CHD9: variants seen among roughly 807,000 people sequenced by gnomAD.
CHD9 encodes the protein ATP-dependent chromatin remodeler CHD9.
A neutral mutation model predicts 316.1 loss-of-function variants in CHD9; 77 were observed. That is an observed-to-expected ratio of 0.24 (90% CI 0.20 to 0.29). The LOEUF (loss-of-function observed/expected upper bound fraction) is 0.29, where lower values mean the gene tolerates loss of function less well. Among genes scored for constraint, CHD9 ranks in the 10% least tolerant of loss-of-function variants. CHD9 has a pLI of 1.00. For missense variants in CHD9, 2,763 were observed against 3,438.1 expected, an observed-to-expected ratio of 0.80 and a Z score of 4.91; for synonymous variants, 1,129 against 1,158.3, an observed-to-expected ratio of 0.97 and a Z score of 0.51.
intron 1 of CHD9, among the ~76,000 whole-genome samples, chr16:53,122,647 A>C (rs2038793296): frequency 6.6e-6 from 1 of 150,846 alleles, no homozygotes; most frequent in Non-Finnish European, 1.5e-5. Flanking sequence ...CAGGTTCAAG[A>C]AGTTCTCTTG....
chr16:53,122,607 C>T (rs1597056680), intron 1 of CHD9, among the ~76,000 whole-genome samples: 1 of 148,464 alleles, frequency 6.7e-6, no homozygotes, highest in African/African-American at 2.5e-5. Flanking sequence ...TACAGTGGCA[C>T]AATCTTGTCT....
chr16:53,063,596 A>G (rs952597293), intron 1 of CHD9, among the ~76,000 whole-genome samples: 19 of 151,898 alleles, frequency 1.3e-4, no homozygotes, highest in African/African-American at 4.6e-4. Context: ...GCAGTGGCGC[A>G]ATCTTGGCTC....
intron 29 of CHD9, 28 bp from the exon 30 acceptor site, chr16:53,296,927 GT>G (rs750560432): frequency 3.3e-6 from 5 of 1,531,582 alleles, no homozygotes; most frequent in Non-Finnish European, 1.8e-6. Context: ...GACTAGTGTG[GT>G]TTTTTTCTTT....
intron 1 of CHD9, among the ~76,000 whole-genome samples, chr16:53,090,062 C>A (rs1159449490): frequency 6.6e-6 from 1 of 152,158 alleles, no homozygotes; most frequent in Non-Finnish European, 1.5e-5. Flanking sequence ...AGAGAAGAAT[C>A]CCCCAGTCAA....
chr16:53,193,098 T>G (rs890411291), intron 2 of CHD9, among the ~76,000 whole-genome samples: 1 of 152,150 alleles, frequency 6.6e-6, no homozygotes, highest in South Asian at 2.1e-4. Context: ...ACCAGCAGCA[T>G]ATAGGAGTTC....
rs963154093 is a variant in CHD9 at position 53,261,456 on chromosome 16, C to T, written c.4210-1531C>T. ...TCATGGCCCACTGTAGCCTTGACCT[C>T]TCAACCTCCTGGGGTCAAGTGACCC... On this transcript the variant is annotated intron_variant, in intron 19 of 38. Coordinates refer to ENST00000447540, the MANE Select transcript of CHD9 (RefSeq NM_001308319.2). Among the ~76,000 whole-genome samples, 29 of 141,658 alleles carry T rather than the reference C, an allele frequency of 2.0e-4. No individual in the cohort carries two copies. In the Admixed American group the frequency reaches 2.1e-3, roughly 10 times the overall value. 92.9% of individuals were successfully genotyped at this position (141,658 alleles called of 152,430 possible).
chr16:53,267,430 G>T lies in CHD9; in HGVS notation c.4457G>T (p.Arg1486Leu). The change falls in exon 21 of 39, where the codon CGT (arginine) becomes CTT (leucine). Residue 1486 changes from arginine (R) to leucine (L), a missense_variant. Arg to Leu is a moderately radical substitution (Grantham distance 102). This residue lies in a region of CHD9 where 199 missense variants were observed against 251.7 expected (regional missense o/e 0.79). Coordinates refer to ENST00000447540, the MANE Select transcript of CHD9 (RefSeq NM_001308319.2). ...CCCAAACTCCGGAGACCCTGTGACC[G>T]TTCCAATGGCTATGGAAGAACTGAA... ...EKPKLRRPCD[R>L]SNGYGRTECF... 6.2e-7 allele frequency: 1 copy of T among 1,611,536 alleles called. No individual in the cohort carries two copies. The highest frequency in any genetic ancestry group is 8.5e-7 in the Non-Finnish European group (1 of 1,178,570).
At chr16:53,247,149 A>G (rs2049705911) in intron 15 of CHD9, 144 bp from the exon 16 acceptor site, 4 of 626,002 alleles carry the variant, frequency 6.4e-6, no homozygotes, top group Non-Finnish European at 1.1e-5. Context: ...ACAAGCTTAA[A>G]TAATTCTAAT....
At position 53,314,526 on chromosome 16, in the gene CHD9, G is replaced by A. The variant is rs761498392; in HGVS notation, c.7362+10G>A. ...TAAACCACCTAATCATGTAAGTAAA[G>A]CAGTACTTAAAAACTGATCCTTGAA... On this transcript the variant is annotated intron_variant, in intron 35 of 38. Transcript: ENST00000447540. The A allele has an allele frequency of 5.2e-6, 8 of 1,546,994 alleles. No homozygotes were observed. The highest frequency in any genetic ancestry group is 6.1e-6 in the Non-Finnish European group (7 of 1,147,182).
intron 1 of CHD9, among the ~76,000 whole-genome samples, chr16:53,087,822 C>T (rs1407297978): frequency 1.3e-5 from 2 of 151,996 alleles, no homozygotes; most frequent in African/African-American, 4.8e-5. Context: ...GTCGTGGGCG[C>T]CCATAATCCC....
intron 19 of CHD9, among the ~76,000 whole-genome samples, chr16:53,261,406 G>A (rs530043521): frequency 2.0e-3 from 170 of 84,470 alleles, no homozygotes; most frequent in Middle Eastern, 0.023. Flanking sequence ...TTGTTTTCTC[G>A]CCAGGCTGGA....
chr16:53,198,520 G>T (rs1473194649), intron 2 of CHD9, among the ~76,000 whole-genome samples: 10 of 151,468 alleles, frequency 6.6e-5, no homozygotes, highest in Admixed American at 6.6e-4. Context: ...TAGAGATGGG[G>T]TTTCACTGTA....
At chr16:53,249,063 ATCT>A (rs2049917279) in intron 16 of CHD9, among the ~76,000 whole-genome samples, 1 of 152,098 alleles carries the variant, frequency 6.6e-6, no homozygotes, top group South Asian at 2.1e-4. Flanking sequence ...TATTTTTTTA[ATCT>A]TCTTACGTGG....
At chr16:53,251,391 A>C (rs34855537) in intron 17 of CHD9, among the ~76,000 whole-genome samples, 47,776 of 152,060 alleles carry the variant, frequency 0.31, 8,052 homozygotes, top group Admixed American at 0.48. Flanking sequence ...TGAATCTCCC[A>C]ATTTCTCCCT....
chr16:53,080,369 G>A (rs2034915413), intron 1 of CHD9, among the ~76,000 whole-genome samples: 1 of 152,198 alleles, frequency 6.6e-6, no homozygotes, highest in East Asian at 1.9e-4. Context: ...TTCTAGTACA[G>A]CAGTTTGTTA....
intron 1 of CHD9, among the ~76,000 whole-genome samples, chr16:53,082,410 A>G (rs1194152549): frequency 2.6e-5 from 4 of 151,722 alleles, no homozygotes; most frequent in Non-Finnish European, 5.9e-5. Flanking sequence ...ACTAATTTTT[A>G]TATTTCTTTG....
At chr16:53,235,045 C>T (rs2048504543) in intron 10 of CHD9, 140 bp from the exon 11 acceptor site, 1 of 542,374 alleles carries the variant, frequency 1.8e-6, no homozygotes, top group Admixed American at 3.9e-5. Flanking sequence ...ATTAATTTGA[C>T]CTTTAAATGT....
intron 27 of CHD9, among the ~76,000 whole-genome samples, chr16:53,288,884 T>C (rs2054105778): frequency 6.6e-6 from 1 of 151,734 alleles, no homozygotes; most frequent in Non-Finnish European, 1.5e-5. Context: ...CTCAGTGTAA[T>C]ATAAAAAAGG....
chr16:53,301,080 G>GA (rs563843374), intron 30 of CHD9, among the ~76,000 whole-genome samples: 262 of 150,878 alleles, frequency 1.7e-3, no homozygotes, highest in African/African-American at 5.0e-3. Flanking sequence ...CTCAAAAAAA[G>GA]AAAAAAAACA....
Sources: gnomAD v4.1 joint callset for allele counts (sites outside exome capture counted in the v4.1 genomes callset) on GRCh38, gnomAD v4.1.1 for gene constraint, gnomAD v4.1.1 regional missense constraint, MANE v1.5 for transcripts, NCBI Gene and HGNC (gene_info 2026-07-23, HGNC 2026-07-21) for gene names.